Variants in CTNNBL1 observed in about 807,000 individuals in gnomAD.
The protein encoded by CTNNBL1 is catenin beta like 1.
CTNNBL1 carries 31 observed loss-of-function variants against 72.7 expected under a neutral mutation model. The observed-to-expected ratio is 0.43, with a 90% CI of 0.32 to 0.58. The LOEUF is 0.58. Among genes scored for constraint, CTNNBL1 ranks in the 20% least tolerant of loss-of-function variants. CTNNBL1 has a pLI of 0.08. For synonymous variants in CTNNBL1, 240 were observed against 267.3 expected (o/e 0.90, Z 1.00); for missense variants, 534 against 725.1 (o/e 0.74, Z 3.03).
At chr20:37,806,537 C>A (rs2122743529) in intron 11 of CTNNBL1, among the ~76,000 whole-genome samples, 1 of 152,192 alleles carries the variant, frequency 6.6e-6, no homozygotes, top group East Asian at 1.9e-4. Context: ...AAGAGTCATA[C>A]ACATTCAGCA....
intron 1 of CTNNBL1, among the ~76,000 whole-genome samples, chr20:37,717,753 G>A (rs1272484566): frequency 3.3e-5 from 5 of 152,072 alleles, no homozygotes; most frequent in Admixed American, 2.6e-4. Flanking sequence ...AGGACCCTGC[G>A]GCCTTCCGTA....
chr20:37,806,871 T>C (rs952449259), intron 11 of CTNNBL1, among the ~76,000 whole-genome samples: 2 of 152,200 alleles, frequency 1.3e-5, no homozygotes, highest in Non-Finnish European at 2.9e-5. Flanking sequence ...GTGTGTTTTT[T>C]TCTTGTAGCC....
At chr20:37,776,630 C>T (rs913971091) in intron 7 of CTNNBL1, among the ~76,000 whole-genome samples, 1 of 152,158 alleles carries the variant, frequency 6.6e-6, no homozygotes, top group African/African-American at 2.4e-5. Context: ...TTAAGTCTCA[C>T]TACCGAAGCA....
chr20:37,856,089 T>C (rs1411209666), intron 13 of CTNNBL1, among the ~76,000 whole-genome samples: 1 of 151,542 alleles, frequency 6.6e-6, no homozygotes, highest in Admixed American at 6.6e-5. Context: ...ATACAAAAAT[T>C]AGCTGGGTGT....
At chr20:37,855,814 G>A (rs544590395) in intron 13 of CTNNBL1, among the ~76,000 whole-genome samples, 27 of 152,318 alleles carry the variant, frequency 1.8e-4, no homozygotes, top group Non-Finnish European at 3.7e-4. Flanking sequence ...CCAAGGCACA[G>A]TCCTTCCCCG....
intron 1 of CTNNBL1, among the ~76,000 whole-genome samples, chr20:37,696,863 A>G (rs549068594): frequency 1.3e-5 from 2 of 152,324 alleles, no homozygotes; most frequent in Admixed American, 1.3e-4. Context: ...GCTTTTTAAA[A>G]AACTTTTAAA....
intron 11 of CTNNBL1, chr20:37,832,137 G>T (rs1225898683): frequency 6.6e-6 from 1 of 152,234 alleles, no homozygotes; most frequent in Non-Finnish European, 1.5e-5. Flanking sequence ...TAGAGAGTCT[G>T]AGCGAAGTTG....
At chr20:37,720,447 CA>C (rs2073030319) in intron 1 of CTNNBL1, among the ~76,000 whole-genome samples, 1 of 152,124 alleles carries the variant, frequency 6.6e-6, no homozygotes, top group South Asian at 2.1e-4. Context: ...GTGTGAGCCA[CA>C]TTGCATGGCC....
chr20:37,811,374 T>A (rs1272541369), intron 11 of CTNNBL1, among the ~76,000 whole-genome samples: 2 of 152,234 alleles, frequency 1.3e-5, no homozygotes, highest in Non-Finnish European at 2.9e-5. Flanking sequence ...TATTTAAGAA[T>A]GGCATTAAGC....
chr20:37,724,850 G>T (rs781244284), intron 1 of CTNNBL1, among the ~76,000 whole-genome samples: 26 of 151,160 alleles, frequency 1.7e-4, no homozygotes, highest in Non-Finnish European at 5.9e-5. Context: ...TGTTGTCATT[G>T]TGTCTTAATC....
chr20:37,728,014 C>T (rs2122589866), intron 1 of CTNNBL1, among the ~76,000 whole-genome samples: 1 of 152,304 alleles, frequency 6.6e-6, no homozygotes, highest in African/African-American at 2.4e-5. Context: ...CACGAACAGA[C>T]AGGACTTCAA....
At chr20:37,695,650 G>T (rs1040993281) in intron 1 of CTNNBL1, among the ~76,000 whole-genome samples, 2 of 152,180 alleles carry the variant, frequency 1.3e-5, no homozygotes, top group African/African-American at 4.8e-5. Flanking sequence ...CATGAGTCTG[G>T]ACCCCTAGGT....
At chr20:37,732,858 C>A (rs1271596087) in intron 1 of CTNNBL1, 21 bp from the exon 2 acceptor site, 2 of 1,609,456 alleles carry the variant, frequency 1.2e-6, no homozygotes, top group Non-Finnish European at 1.7e-6. Context: ...GCTCTAAAAT[C>A]TTATGTTTCT....
At chr20:37,704,273 A>G (rs573782450) in intron 1 of CTNNBL1, among the ~76,000 whole-genome samples, 1 of 152,326 alleles carries the variant, frequency 6.6e-6, no homozygotes, top group African/African-American at 2.4e-5. Flanking sequence ...TTATGGTGCC[A>G]TGAACAAGAT....
At chr20:37,867,829 G>T (rs1337329334) in intron 15 of CTNNBL1, among the ~76,000 whole-genome samples, 1 of 152,226 alleles carries the variant, frequency 6.6e-6, no homozygotes, top group Non-Finnish European at 1.5e-5. Context: ...GCACCACCAA[G>T]ATTTGCTCTA....
chr20:37,813,548 T>C (rs2072029923), intron 11 of CTNNBL1, among the ~76,000 whole-genome samples: 1 of 152,256 alleles, frequency 6.6e-6, no homozygotes, highest in South Asian at 2.1e-4. Context: ...GAAACACTTA[T>C]CACTCCTGTT....
At chr20:37,786,100 A>G (rs934595305) in intron 10 of CTNNBL1, among the ~76,000 whole-genome samples, 8 of 151,650 alleles carry the variant, frequency 5.3e-5, no homozygotes, top group African/African-American at 1.9e-4. Context: ...CTTTTCCCCA[A>G]ACACGTGGAG....
rs540406774 is a variant in CTNNBL1 at position 37,717,913 on chromosome 20, C to T, written c.31-14966C>T. Among the ~76,000 whole-genome samples the T allele has an allele frequency of 5.9e-5, 9 of 152,278 alleles. No homozygotes were observed. The South Asian group carries it at 1.9e-3, about 32-fold the overall frequency. ...GACACAGCACATGTTTCAGGGAGCA[C>T]AGGGTTGGGGGTAAGGTCACAGATC... On this transcript the variant is annotated intron_variant, in intron 1 of 15. Transcript: ENST00000361383.
intron 1 of CTNNBL1, among the ~76,000 whole-genome samples, chr20:37,702,864 T>C (rs977993750): frequency 3.3e-5 from 5 of 152,242 alleles, no homozygotes; most frequent in African/African-American, 1.2e-4. Flanking sequence ...CATGGTTGTT[T>C]AATGATTGAA....
Sources: allele counts gnomAD v4.1 joint callset (sites outside exome capture counted in the v4.1 genomes callset), GRCh38; gene constraint gnomAD v4.1.1; transcripts MANE v1.5; gene names NCBI Gene and HGNC (gene_info 2026-07-23, HGNC 2026-07-21).